GALNT14: variants seen among roughly 807,000 people sequenced by gnomAD.
The protein encoded by GALNT14 is UDP-GalNAc:polypeptide N-acetylgalactosaminyltransferase 14.
Under a neutral mutation model 77.5 loss-of-function variants are expected in GALNT14, and 60 were observed. The observed-to-expected ratio is 0.77, with a 90% CI of 0.63 to 0.96. The LOEUF is 0.96. GALNT14 is among the 40% of genes least tolerant of loss of function. The probability of loss-of-function intolerance (pLI) is 0.00; values close to 1 mark genes in which losing one functional copy is unlikely to be tolerated. For missense variants in GALNT14, 710 were observed against 731.0 expected (o/e 0.97, Z 0.33); for synonymous variants, 280 against 281.7 (o/e 0.99, Z 0.06).
chr2:31,124,981 G>A (rs775501977), intron 1 of GALNT14, among the ~76,000 whole-genome samples: 3 of 152,180 alleles, frequency 2.0e-5, no homozygotes, highest in South Asian at 4.1e-4. Context: ...AGTCACTTGC[G>A]CCACTTATTC....
At chr2:30,976,321 C>A (rs1235993989) in intron 2 of GALNT14, among the ~76,000 whole-genome samples, 1 of 152,240 alleles carries the variant, frequency 6.6e-6, no homozygotes, top group Non-Finnish European at 1.5e-5. Flanking sequence ...AACGTAGACT[C>A]CTCTGGCTGC....
chr2:31,075,189 C>G (rs1365903211), intron 1 of GALNT14, among the ~76,000 whole-genome samples: 1 of 152,220 alleles, frequency 6.6e-6, no homozygotes, highest in Non-Finnish European at 1.5e-5. Context: ...CGTGAGATGC[C>G]TGCTTCCCCT....
intron 1 of GALNT14, among the ~76,000 whole-genome samples, chr2:31,092,142 C>A (rs1676777183): frequency 6.6e-6 from 1 of 152,126 alleles, no homozygotes; most frequent in African/African-American, 2.4e-5. Context: ...GCACCGTTGG[C>A]TTCCCTACTT....
intron 2 of GALNT14, among the ~76,000 whole-genome samples, chr2:30,971,967 G>A (rs1051948345): frequency 6.6e-6 from 1 of 152,248 alleles, no homozygotes; most frequent in East Asian, 1.9e-4. Context: ...AGGGCTCCCA[G>A]TGCTTCCGTG....
downstream of GALNT14, among the ~76,000 whole-genome samples, chr2:30,909,690 C>T (rs1664251490): frequency 6.6e-6 from 1 of 151,842 alleles, no homozygotes; most frequent in African/African-American, 2.4e-5. Flanking sequence ...TACCATTTGA[C>T]CCAGCCATCC....
At chr2:31,034,767 C>T (rs1338695718) in intron 1 of GALNT14, among the ~76,000 whole-genome samples, 3 of 152,166 alleles carry the variant, frequency 2.0e-5, no homozygotes, top group Non-Finnish European at 4.4e-5. Flanking sequence ...ACTTTAGCTG[C>T]ATCTCATAAA....
rs115502771 is a variant in GALNT14, at chr2:30,927,979, G to C, written c.1151+1416C>G. ...TGTGGGGATGGTGTTGCTAGATGGA[G>C]AACAGCACAGAAGGTCTGAGGACAA... On this transcript the variant is annotated intron_variant, in intron 11 of 14. Coordinates refer to ENST00000349752, the MANE Select transcript of GALNT14 (RefSeq NM_024572.4). 4.7e-3 allele frequency among the ~76,000 whole-genome samples: 711 copies of C among 152,280 alleles called. 5 individuals carry two copies. The highest frequency in any genetic ancestry group is 0.016 in the African/African-American group (677 of 41,548).
At chr2:30,889,579 C>A in the GALNT14 span, among the ~76,000 whole-genome samples, 16 of 152,346 alleles carry the variant, frequency 1.1e-4, no homozygotes, top group Non-Finnish European at 2.1e-4. Flanking sequence ...TGAGGGGAAG[C>A]AGCTTCATCC....
At chr2:31,132,597 C>T (rs1042723467) in intron 1 of GALNT14, 6 of 409,880 alleles carry the variant, frequency 1.5e-5, no homozygotes, top group South Asian at 1.1e-4. Flanking sequence ...AAAATTACAA[C>T]AATGAGAAAA....
the GALNT14 span, among the ~76,000 whole-genome samples, chr2:30,899,772 G>A: frequency 2.6e-5 from 4 of 152,206 alleles, no homozygotes; most frequent in African/African-American, 9.6e-5. Flanking sequence ...AAATGGAAAA[G>A]TGCTCAGAGC....
chr2:31,134,622 C>T (rs1679145061), intron 1 of GALNT14, among the ~76,000 whole-genome samples: 1 of 152,220 alleles, frequency 6.6e-6, no homozygotes, highest in Non-Finnish European at 1.5e-5. Flanking sequence ...CTGTGCCCCA[C>T]ATGGTGCCTT....
chr2:31,099,094 A>G (rs961783418), intron 1 of GALNT14, among the ~76,000 whole-genome samples: 3 of 152,132 alleles, frequency 2.0e-5, no homozygotes, highest in Non-Finnish European at 4.4e-5. Flanking sequence ...CTTTTTATAT[A>G]TAAGTTAGTA....
At chr2:31,061,851 C>T (rs1674611572) in intron 1 of GALNT14, among the ~76,000 whole-genome samples, 1 of 152,198 alleles carries the variant, frequency 6.6e-6, no homozygotes, top group Non-Finnish European at 1.5e-5. Context: ...TATCCTCCAC[C>T]TGCTGAGAAC....
At chr2:31,080,148 G>GA (rs1676068616) in intron 1 of GALNT14, among the ~76,000 whole-genome samples, 1 of 152,224 alleles carries the variant, frequency 6.6e-6, no homozygotes, top group Non-Finnish European at 1.5e-5. Context: ...AATATGCAGT[G>GA]AAAACAGTAA....
intron 1 of GALNT14, among the ~76,000 whole-genome samples, chr2:31,059,530 T>C (rs1674453182): frequency 6.6e-6 from 1 of 152,012 alleles, no homozygotes; most frequent in Admixed American, 6.6e-5. Flanking sequence ...ATGAATGAGA[T>C]TAGTGCCCTT....
chr2:30,924,769 C>T lies in GALNT14; in HGVS notation c.1206G>A (p.Trp402Ter). ...GTTCAGGGTAGATATTCTCCAGGTA[C>T]CACTTGAAGCTCTGGCAGCGCAGAT... ...RKNLRCQSFK[W>*]YLENIYPELS... Residue 402 changes from tryptophan to a stop codon, truncating the protein, a stop_gained, in exon 12 of 15, where the codon TGG (tryptophan) becomes TGA (stop). Coordinates refer to ENST00000349752, the MANE Select transcript of GALNT14 (RefSeq NM_024572.4). LOFTEE classifies it high-confidence loss of function. 1 of 1,614,094 alleles carries T rather than the reference C, an allele frequency of 6.2e-7. No homozygotes were observed. Among genetic ancestry groups the T allele is most frequent in the Non-Finnish European group, 8.5e-7 (1 of 1,180,000 alleles).
chr2:30,888,974 G>T, the GALNT14 span, among the ~76,000 whole-genome samples: 4 of 148,088 alleles, frequency 2.7e-5, no homozygotes, highest in African/African-American at 1.0e-4. Flanking sequence ...TTATCTCCCA[G>T]TGTAATTACT....
At chr2:31,086,568 A>T (rs1676441586) in intron 1 of GALNT14, among the ~76,000 whole-genome samples, 1 of 152,194 alleles carries the variant, frequency 6.6e-6, no homozygotes, top group Admixed American at 6.5e-5. Context: ...GTGAAAAAAA[A>T]AAACCATAAA....
At chr2:31,085,913 C>G (rs1478823329) in intron 1 of GALNT14, among the ~76,000 whole-genome samples, 1 of 152,204 alleles carries the variant, frequency 6.6e-6, no homozygotes, top group Non-Finnish European at 1.5e-5. Context: ...GGAGCAAGGA[C>G]AGGACTTACA....
Sources: allele counts gnomAD v4.1 joint callset (sites outside exome capture counted in the v4.1 genomes callset), GRCh38; gene constraint gnomAD v4.1.1; transcripts MANE v1.5; gene names NCBI Gene and HGNC (gene_info 2026-07-23, HGNC 2026-07-21).